Variants in PIK3AP1 observed in about 807,000 individuals in gnomAD.
The protein encoded by PIK3AP1 is phosphoinositide-3-kinase adaptor protein 1, also known as phosphoinositide 3-kinase adapter protein 1.
PIK3AP1 carries 21 observed loss-of-function variants against 88.1 expected under a neutral mutation model. The ratio of observed to expected loss-of-function variants is 0.24; its 90% CI spans 0.17 to 0.34. The LOEUF (loss-of-function observed/expected upper bound fraction) is 0.34. Ranked by LOEUF, PIK3AP1 falls within the 10% of genes least tolerant of loss-of-function variation. PIK3AP1 has a pLI of 1.00. For synonymous variants in PIK3AP1, 398 were observed against 400.0 expected, an observed-to-expected ratio of 1.00 and a Z score of 0.06; for missense variants, 828 against 1,035.7, an observed-to-expected ratio of 0.80 and a Z score of 2.75.
chr10:96,623,442 A>G (rs754253729), intron 11 of PIK3AP1, 30 bp downstream of exon 11: 2 of 1,567,280 alleles, frequency 1.3e-6, no homozygotes, highest in Non-Finnish European at 1.8e-6. Context: ...CAACCACACA[A>G]AAGTTCAGTT....
At chr10:96,653,494 T>TC (rs900780171) in intron 3 of PIK3AP1, among the ~76,000 whole-genome samples, 1 of 133,488 alleles carries the variant, frequency 7.5e-6, no homozygotes. Flanking sequence ...TTTTTTTTTT[T>TC]TTTTTTTTTT....
chr10:96,706,055 G>A (rs866411385), intron 2 of PIK3AP1, among the ~76,000 whole-genome samples: 4 of 151,452 alleles, frequency 2.6e-5, no homozygotes, highest in African/African-American at 4.9e-5. Flanking sequence ...CACCTCGCCC[G>A]ACTAATTTTT....
intron 16 of PIK3AP1, among the ~76,000 whole-genome samples, chr10:96,598,828 A>T (rs1374811323): frequency 6.6e-6 from 1 of 152,236 alleles, no homozygotes; most frequent in African/African-American, 2.4e-5. Flanking sequence ...CAAAAGGAAC[A>T]GATTGGGCAA....
rs1190581538 is a variant in PIK3AP1 at position 96,603,741 on chromosome 10, G to C, written c.2241+238C>G. On this transcript the variant is annotated intron_variant, in intron 15 of 16. Transcript: ENST00000339364. ...TATATATATATGTTCTGTCCCTCTAGAGAACCCTAATACACCTGTCCCCAT... is the reference window on the plus strand; with the variant it reads ...TATATATATATGTTCTGTCCCTCTACAGAACCCTAATACACCTGTCCCCAT... 8 of 427,780 alleles carry C rather than the reference G, an allele frequency of 1.9e-5. No homozygotes were observed. The Admixed American group carries it at 2.7e-4, about 14-fold the overall frequency. The allele number at this position is 427,780 out of a possible 1,614,324, so 26.5% of individuals were successfully genotyped here.
At chr10:96,664,940 G>C (rs1843741577) in intron 2 of PIK3AP1, among the ~76,000 whole-genome samples, 1 of 142,566 alleles carries the variant, frequency 7.0e-6, no homozygotes, top group Admixed American at 6.8e-5. Flanking sequence ...CATAAGCACT[G>C]CTCTTACCCA....
intron 7 of PIK3AP1, among the ~76,000 whole-genome samples, chr10:96,646,209 A>T (rs1843457347): frequency 6.6e-6 from 1 of 152,108 alleles, no homozygotes; most frequent in Non-Finnish European, 1.5e-5. Context: ...GCAGTGAGCC[A>T]AGATCGCACC....
chr10:96,709,672 C>T lies in PIK3AP1; in HGVS notation c.325G>A (p.Glu109Lys), dbSNP rs1844411752. The T allele has an allele frequency of 4.3e-6, 7 of 1,614,244 alleles. No homozygotes were observed. Among genetic ancestry groups the T allele is most frequent in the Non-Finnish European group, 5.9e-6 (7 of 1,180,054 alleles). The change falls in exon 2 of 17, where the codon GAG (glutamate) becomes AAG (lysine). Residue 109 changes from glutamate to lysine, a missense_variant. Around this residue, in one of 3 missense-constraint regions of PIK3AP1, gnomAD observed 610 missense variants for 760.1 expected, o/e 0.80. Transcript: ENST00000339364. Reference protein sequence around the residue: ...VRLLCGVRDSEEFLDFFPDWA... With the variant: ...VRLLCGVRDSKEFLDFFPDWA... ...TCTGGAAAGAAGTCTAGGAACTCCT[C>T]GCTGTCCCGCACGCCGCAGAGCAGC...
intron 13 of PIK3AP1, among the ~76,000 whole-genome samples, chr10:96,614,008 C>T (rs1849170207): frequency 6.6e-6 from 1 of 152,144 alleles, no homozygotes; most frequent in South Asian, 2.1e-4. Flanking sequence ...GGAATTTGAC[C>T]CCAACCTCGC....
At chr10:96,651,747 G>C in intron 4 of PIK3AP1, 96 bp from the exon 5 acceptor site, 2 of 1,373,638 alleles carry the variant, frequency 1.5e-6, no homozygotes, top group South Asian at 2.7e-5. Context: ...GAGTGGTGAG[G>C]ACACTAATTG....
chr10:96,677,558 C>A (rs1225836399), intron 2 of PIK3AP1, among the ~76,000 whole-genome samples: 2 of 148,028 alleles, frequency 1.4e-5, no homozygotes, highest in Non-Finnish European at 3.0e-5. Flanking sequence ...GCCTTGCTAA[C>A]TACCTCCTCA....
At chr10:96,679,993 G>A (rs1843978213) in intron 2 of PIK3AP1, among the ~76,000 whole-genome samples, 1 of 152,078 alleles carries the variant, frequency 6.6e-6, no homozygotes, top group South Asian at 2.1e-4. Flanking sequence ...AGAGTGATGG[G>A]ACTCCCACTA....
chr10:96,652,921 C>G, intron 3 of PIK3AP1, 79 bp from the exon 4 acceptor site: 2 of 1,496,098 alleles, frequency 1.3e-6, no homozygotes, highest in Non-Finnish European at 1.8e-6. Context: ...CTCCCCAGCT[C>G]TCTTGCCCTA....
chr10:96,598,252 A>C (rs765443676), intron 16 of PIK3AP1, among the ~76,000 whole-genome samples: 2 of 151,820 alleles, frequency 1.3e-5, no homozygotes, highest in Non-Finnish European at 2.9e-5. Context: ...GATTTTGCCA[A>C]GTTGCCCAGG....
intron 2 of PIK3AP1, among the ~76,000 whole-genome samples, chr10:96,672,689 C>A (rs2134255229): frequency 6.6e-6 from 1 of 152,086 alleles, no homozygotes; most frequent in Admixed American, 6.5e-5. Flanking sequence ...AATGAAAGCA[C>A]CGTGGTGCCC....
intron 16 of PIK3AP1, among the ~76,000 whole-genome samples, chr10:96,597,315 C>G (rs140779540): frequency 0.12 from 15,232 of 129,112 alleles, 1,048 homozygotes; most frequent in Non-Finnish European, 0.14. Flanking sequence ...TCCTTCCTTC[C>G]TTCCTTCCTT....
Position 96,651,333 on chromosome 10 carries a change from T to C in PIK3AP1, c.903A>G (p.Leu301=). ...GGATATTGTTCTTCAGGGATTCGGT[T>C]AGCAGTTTATCAAGGGTCTCTGTGT... ...PYNTETLDKL[L]TESLKNNIPA... The change falls in exon 6 of 17, where the codon CTA becomes CTG. Residue 301 remains leucine (L), a synonymous_variant. Coordinates refer to ENST00000339364, the MANE Select transcript of PIK3AP1 (RefSeq NM_152309.3). 1.2e-6 allele frequency: 2 copies of C among 1,614,170 alleles called. No homozygotes were observed.
At chr10:96,633,211 C>T in intron 8 of PIK3AP1, 3 of 845,214 alleles carry the variant, frequency 3.5e-6, no homozygotes, top group East Asian at 3.1e-5. Context: ...CCTCCCAGTT[C>T]CAGATGCAAT....
intron 3 of PIK3AP1, among the ~76,000 whole-genome samples, chr10:96,653,768 G>A (rs927194887): frequency 3.9e-5 from 6 of 152,086 alleles, no homozygotes; most frequent in Admixed American, 1.3e-4. Context: ...GATTACAGGC[G>A]TGAACCACCG....
rs547119730 is a variant in PIK3AP1 at position 96,604,429 on chromosome 10, C to T, written c.2171-380G>A. Among the ~76,000 whole-genome samples, 12 of 138,230 alleles carry T rather than the reference C, an allele frequency of 8.7e-5. No individual in the cohort carries two copies. In the East Asian group the frequency reaches 2.4e-3, roughly 27 times the overall value. The allele number at this position is 138,230 out of a possible 152,430, so 90.7% of individuals were successfully genotyped here. A position where few individuals can be genotyped will look rare whatever the true frequency, so the allele number is the denominator to read the frequency against. Reference sequence around the variant, plus strand: ...CACAGGCTGGTCTTCAACTCTTGGGCTCAAGCGATCCTCCTGCCTCAGCCT... The same window carrying T: ...CACAGGCTGGTCTTCAACTCTTGGGTTCAAGCGATCCTCCTGCCTCAGCCT... On this transcript the variant is annotated intron_variant, in intron 14 of 16. Coordinates refer to ENST00000339364, the MANE Select transcript of PIK3AP1 (RefSeq NM_152309.3).
Sources: gnomAD v4.1 joint callset for allele counts (sites outside exome capture counted in the v4.1 genomes callset) on GRCh38, gnomAD v4.1.1 for gene constraint, gnomAD v4.1.1 regional missense constraint, MANE v1.5 for transcripts, NCBI Gene and HGNC (gene_info 2026-07-23, HGNC 2026-07-21) for gene names.